Variants in TNRC6B observed in about 807,000 individuals in gnomAD.
TNRC6B encodes trinucleotide repeat-containing gene 6B protein.
Under a neutral mutation model 203.6 loss-of-function variants are expected in TNRC6B, and 52 were observed. The observed-to-expected ratio is 0.26, with a 90% CI of 0.20 to 0.32. The LOEUF is 0.32. Ranked by LOEUF, TNRC6B falls within the 10% of genes least tolerant of loss-of-function variation. TNRC6B has a pLI of 1.00. For synonymous variants in TNRC6B, 838 were observed against 845.7 expected (o/e 0.99, Z 0.16); for missense variants, 1,923 against 2,286.2 (o/e 0.84, Z 3.24).
intron 16 of TNRC6B, among the ~76,000 whole-genome samples, chr22:40,308,997 G>T (rs1385542359): frequency 6.6e-6 from 1 of 152,218 alleles, no homozygotes; most frequent in Non-Finnish European, 1.5e-5. Flanking sequence ...CTTGTTGGTT[G>T]TTTGAACCAT....
intron 2 of TNRC6B, among the ~76,000 whole-genome samples, chr22:40,248,011 G>T (rs2070132414): frequency 6.6e-6 from 1 of 151,898 alleles, no homozygotes; most frequent in Admixed American, 6.6e-5. Flanking sequence ...GGAGGGGGAG[G>T]TTGCATTGAG....
intron 1 of TNRC6B, among the ~76,000 whole-genome samples, 158 bp downstream of exon 1, chr22:40,178,298 G>T (rs1386755227): frequency 6.6e-6 from 1 of 152,134 alleles, no homozygotes; most frequent in Non-Finnish European, 1.5e-5. Flanking sequence ...ATGTACTTTG[G>T]TTCGGCATTT....
intron 4 of TNRC6B, among the ~76,000 whole-genome samples, chr22:40,165,094 CTTTTTTTT>C (rs764182245): frequency 7.6e-6 from 1 of 130,768 alleles, no homozygotes; most frequent in Non-Finnish European, 1.7e-5. Flanking sequence ...CCCCCCGGCT[CTTTTTTTT>C]TTTTTTTTTG....
chr22:40,207,418 A>AATATATAT (rs55644816), intron 1 of TNRC6B, among the ~76,000 whole-genome samples: 65 of 128,832 alleles, frequency 5.0e-4, no homozygotes, highest in Non-Finnish European at 6.4e-4. Context: ...AAAAAAAAAA[A>AATATATAT]ATATATATAT....
At chr22:40,225,141 C>A (rs1162359740) in intron 1 of TNRC6B, among the ~76,000 whole-genome samples, 1 of 152,168 alleles carries the variant, frequency 6.6e-6, no homozygotes, top group East Asian at 1.9e-4. Flanking sequence ...TGTCAGACTC[C>A]AAAGGCTGTG....
At chr22:40,187,674 G>A (rs1033081962) in intron 1 of TNRC6B, among the ~76,000 whole-genome samples, 1 of 152,116 alleles carries the variant, frequency 6.6e-6, no homozygotes, top group African/African-American at 2.4e-5. Context: ...GTGGGAGAGG[G>A]TGCCACCAGG....
intron 1 of TNRC6B, among the ~76,000 whole-genome samples, chr22:40,193,626 A>G (rs2069300701): frequency 6.6e-6 from 1 of 152,146 alleles, no homozygotes. Flanking sequence ...TCCTGGGGAG[A>G]AAAATCTCCC....
intron 1 of TNRC6B, among the ~76,000 whole-genome samples, chr22:40,079,322 A>C (rs6001749): frequency 6.6e-6 from 1 of 151,842 alleles, no homozygotes. Context: ...CTCTCCAGGT[A>C]GCCTTGATAA....
intron 1 of TNRC6B, among the ~76,000 whole-genome samples, chr22:40,105,503 A>G (rs935228224): frequency 1.3e-5 from 2 of 152,058 alleles, no homozygotes; most frequent in African/African-American, 2.4e-5. Flanking sequence ...TTTACTGTCC[A>G]TGTCCCTGTA....
intron 3 of TNRC6B, among the ~76,000 whole-genome samples, chr22:40,132,958 A>T (rs867714488): frequency 1.1e-4 from 12 of 114,080 alleles, no homozygotes; most frequent in African/African-American, 3.9e-4. Context: ...AAAAAAAAAA[A>T]AAAAAAAAAA....
chr22:40,271,022 C>T (rs1002270482), intron 6 of TNRC6B, among the ~76,000 whole-genome samples: 2 of 152,220 alleles, frequency 1.3e-5, no homozygotes, highest in Non-Finnish European at 2.9e-5. Flanking sequence ...CTCTCTTCCA[C>T]ATAAGAGCAT....
intron 1 of TNRC6B, among the ~76,000 whole-genome samples, chr22:40,189,515 A>G (rs569969949): frequency 1.9e-4 from 28 of 148,898 alleles, no homozygotes; most frequent in African/African-American, 6.6e-4. Context: ...AAAAAAAAAA[A>G]GAGGTTTCTT....
intron 1 of TNRC6B, among the ~76,000 whole-genome samples, chr22:40,189,440 C>T (rs953640071): frequency 4.1e-5 from 6 of 147,530 alleles, no homozygotes; most frequent in Non-Finnish European, 7.4e-5. Flanking sequence ...CACTTCAGTA[C>T]ATTTGATTAG....
chr22:40,322,780 G>A, intron 22 of TNRC6B, 74 bp from the exon 23 acceptor site: 2 of 1,547,838 alleles, frequency 1.3e-6, no homozygotes, highest in Non-Finnish European at 1.8e-6. Flanking sequence ...GAATGTCAAG[G>A]ACTGCAGTCG....
At chr22:40,103,599 G>A (rs2068258244) in intron 1 of TNRC6B, among the ~76,000 whole-genome samples, 1 of 151,954 alleles carries the variant, frequency 6.6e-6, no homozygotes, top group South Asian at 2.1e-4. Flanking sequence ...CATTTGGGTT[G>A]TTTCCACTTT....
chr22:40,110,068 A>T (rs901637096), intron 1 of TNRC6B, among the ~76,000 whole-genome samples: 1 of 152,226 alleles, frequency 6.6e-6, no homozygotes, highest in Admixed American at 6.5e-5. Flanking sequence ...TCAATATGCA[A>T]TATAGAAAAA....
At chr22:40,212,044 C>G (rs2069571779) in intron 1 of TNRC6B, among the ~76,000 whole-genome samples, 2 of 152,300 alleles carry the variant, frequency 1.3e-5, no homozygotes, top group South Asian at 4.1e-4. Context: ...TCCATGGTTC[C>G]TCACCAAGAT....
chr22:40,147,532 A>G (rs753336712), intron 3 of TNRC6B, among the ~76,000 whole-genome samples: 6 of 152,204 alleles, frequency 3.9e-5, no homozygotes, highest in Admixed American at 2.0e-4. Context: ...GGAGGCCCCA[A>G]TCCCTGCTTC....
In TNRC6B at chr22:40,129,790, G is replaced by A. The variant is rs191583623; in HGVS notation, c.45+3928G>A. Among the ~76,000 whole-genome samples, 11 of 152,308 alleles carry A rather than the reference G, an allele frequency of 7.2e-5. No individual in the cohort carries two copies. In the East Asian group the frequency reaches 1.9e-3, roughly 27 times the overall value. The stretch of plus-strand genomic sequence containing the variant: ...GTGGTGAAACTGACAATCAAATGGA[G>A]TGGAGAATACATGGAAGTATAGATG... On this transcript the variant is annotated intron_variant, in intron 3 of 23. Transcript: ENST00000301923.
Sources: allele counts gnomAD v4.1 joint callset (sites outside exome capture counted in the v4.1 genomes callset), GRCh38; gene constraint gnomAD v4.1.1; transcripts MANE v1.5; gene names NCBI Gene and HGNC (gene_info 2026-07-23, HGNC 2026-07-21).